CPS1: variants seen among roughly 807,000 people sequenced by gnomAD.
CPS1 encodes the protein carbamoyl-phosphate synthase [ammonia], mitochondrial.
A neutral mutation model predicts 174.6 loss-of-function variants in CPS1; 109 were observed. That is an observed-to-expected ratio of 0.62 (90% CI 0.53 to 0.73). The LOEUF (loss-of-function observed/expected upper bound fraction) is 0.73, where lower values mean the gene tolerates loss of function less well. CPS1 is among the 30% of genes least tolerant of loss of function. The probability of loss-of-function intolerance (pLI) is 0.00; values close to 1 mark genes in which losing one functional copy is unlikely to be tolerated. For missense variants in CPS1, 1,689 were observed against 1,821.9 expected, an observed-to-expected ratio of 0.93 and a Z score of 1.33; for synonymous variants, 637 against 632.0, an observed-to-expected ratio of 1.01 and a Z score of -0.12.
chr2:210,604,889 C>G (rs1698852574), intron 16 of CPS1: 3 of 562,186 alleles, frequency 5.3e-6, no homozygotes, highest in Admixed American at 3.0e-5. Context: ...TGGCAAGCCT[C>G]AATAATGTAA....
chr2:210,676,884 C>T, intron 36 of CPS1, 123 bp from the exon 37 acceptor site: 1 of 827,112 alleles, frequency 1.2e-6, no homozygotes, highest in South Asian at 1.4e-5. Context: ...TAGAGGAGGG[C>T]AGATGGCAGT....
chr2:210,665,042 T>C lies in CPS1; in HGVS notation c.4002+1845T>C, dbSNP rs368931959. Among the ~76,000 whole-genome samples the C allele has an allele frequency of 1.2e-4, 18 of 152,358 alleles. No homozygotes were observed. In the South Asian group the frequency reaches 3.7e-3, roughly 32 times the overall value. Reference sequence around the variant, plus strand: ...CATTTAACTACTTTCTATGGTTCTGTAGAAAATTTTTAAAACCTCGTCTGT... The same window carrying C: ...CATTTAACTACTTTCTATGGTTCTGCAGAAAATTTTTAAAACCTCGTCTGT... On this transcript the variant is annotated intron_variant, in intron 33 of 37. Coordinates refer to ENST00000233072, the MANE Select transcript of CPS1 (RefSeq NM_001875.5).
chr2:210,609,173 G>T (rs1399942672), intron 19 of CPS1, among the ~76,000 whole-genome samples: 3 of 151,966 alleles, frequency 2.0e-5, no homozygotes, highest in Non-Finnish European at 4.4e-5. Context: ...TTTAGAATGT[G>T]CTGTTATACT....
intron 21 of CPS1, among the ~76,000 whole-genome samples, chr2:210,623,745 C>T (rs1574607716): frequency 6.6e-6 from 1 of 152,112 alleles, no homozygotes; most frequent in Admixed American, 6.6e-5. Flanking sequence ...ATGCAGGTGT[C>T]ACGTTAGCTG....
chr2:210,677,800 G>GCC, intron 37 of CPS1, 87 bp from the exon 38 acceptor site: 1 of 1,065,344 alleles, frequency 9.4e-7, no homozygotes, highest in Admixed American at 1.7e-5. Context: ...GAAAACTGGG[G>GCC]ACAGACACTT....
chr2:210,579,490 T>G (rs916987590), intron 4 of CPS1, among the ~76,000 whole-genome samples: 3 of 152,146 alleles, frequency 2.0e-5, no homozygotes. Context: ...AATTTCTCAT[T>G]TTTTTACTCT....
At chr2:210,560,446 G>T (rs1185362487) in intron 1 of CPS1, among the ~76,000 whole-genome samples, 1 of 152,060 alleles carries the variant, frequency 6.6e-6, no homozygotes, top group Non-Finnish European at 1.5e-5. Context: ...AAATTGTAAA[G>T]CTTAAGTTCC....
At chr2:210,643,641 A>C (rs1700291748) in intron 25 of CPS1, among the ~76,000 whole-genome samples, 1 of 152,168 alleles carries the variant, frequency 6.6e-6, no homozygotes, top group East Asian at 1.9e-4. Flanking sequence ...ATTGTAAAGT[A>C]TAAAGTATAG....
At chr2:210,538,010 G>A (rs1384310649) in intron 1 of CPS1, among the ~76,000 whole-genome samples, 5 of 152,094 alleles carry the variant, frequency 3.3e-5, no homozygotes, top group Admixed American at 6.6e-5. Flanking sequence ...CTGGTAATTA[G>A]CAATGGATTA....
chr2:210,592,612 A>T (rs1387393792), intron 10 of CPS1, among the ~76,000 whole-genome samples: 1 of 151,774 alleles, frequency 6.6e-6, no homozygotes, highest in South Asian at 2.1e-4. Context: ...TATAGACCAA[A>T]TTTTTTATTT....
At chr2:210,516,327 C>T (rs1430204202) in intron 1 of CPS1, among the ~76,000 whole-genome samples, 1 of 151,828 alleles carries the variant, frequency 6.6e-6, no homozygotes, top group Non-Finnish European at 1.5e-5. Flanking sequence ...TTATACTTCT[C>T]TCTTTCTTAT....
At chr2:210,481,692 T>C (rs933531423) in intron 1 of CPS1, among the ~76,000 whole-genome samples, 1 of 152,274 alleles carries the variant, frequency 6.6e-6, no homozygotes, top group Non-Finnish European at 1.5e-5. Flanking sequence ...AACATTTTCC[T>C]ACTTGCCTAG....
intron 29 of CPS1, among the ~76,000 whole-genome samples, chr2:210,654,528 G>A (rs1700650365): frequency 3.9e-5 from 6 of 151,918 alleles, no homozygotes; most frequent in African/African-American, 1.2e-4. Context: ...GGTTAATAAA[G>A]GCAAAGTCAA....
intron 1 of CPS1, among the ~76,000 whole-genome samples, chr2:210,544,704 A>G (rs372758388): frequency 1.7e-4 from 26 of 152,146 alleles, no homozygotes; most frequent in African/African-American, 6.0e-4. Context: ...GCTGAAATAT[A>G]AATGCAGATA....
intron 18 of CPS1, 35 bp from the exon 19 acceptor site, chr2:210,608,326 G>A (rs1219423161): frequency 2.5e-6 from 4 of 1,601,378 alleles, no homozygotes; most frequent in Non-Finnish European, 3.4e-6. Context: ...ATAATTGCTC[G>A]AAGAAAAAAA....
chr2:210,486,159 C>CACACA (rs1574459679), intron 1 of CPS1, among the ~76,000 whole-genome samples: 8 of 127,920 alleles, frequency 6.3e-5, no homozygotes, highest in Admixed American at 2.4e-4. Flanking sequence ...CACACACACA[C>CACACA]CCTGTATATA....
intron 1 of CPS1, among the ~76,000 whole-genome samples, chr2:210,499,551 T>C (rs1279409666): frequency 6.6e-6 from 1 of 152,186 alleles, no homozygotes; most frequent in Non-Finnish European, 1.5e-5. Context: ...CGGTGCCAGA[T>C]TGCCAAAGAA....
chr2:210,581,102 G>A (rs979281823), intron 5 of CPS1, among the ~76,000 whole-genome samples: 1 of 152,084 alleles, frequency 6.6e-6, no homozygotes, highest in Non-Finnish European at 1.5e-5. Flanking sequence ...CCTGAGAATA[G>A]GTGTTAGTGA....
chr2:210,673,982 A>T (rs1701413542), intron 34 of CPS1: 2 of 152,232 alleles, frequency 1.3e-5, no homozygotes, highest in South Asian at 4.1e-4. Flanking sequence ...AGCTCATACC[A>T]CTAGTGAATG....
Sources: gnomAD v4.1 joint callset for allele counts (sites outside exome capture counted in the v4.1 genomes callset) on GRCh38, gnomAD v4.1.1 for gene constraint, MANE v1.5 for transcripts, NCBI Gene and HGNC (gene_info 2026-07-23, HGNC 2026-07-21) for gene names.